ITGB6: variants seen among roughly 807,000 people sequenced by gnomAD.
The protein encoded by ITGB6 is integrin subunit beta 6, also known as integrin beta-6.
In ITGB6, 80 loss-of-function variants were observed where a neutral mutation model predicts 84.5. The ratio of observed to expected loss-of-function variants is 0.95; its 90% CI spans 0.79 to 1.14. The LOEUF (loss-of-function observed/expected upper bound fraction) is 1.14. ITGB6 is among the 50% of genes most tolerant of loss of function. The probability of loss-of-function intolerance (pLI) is 0.00; values close to 1 mark genes in which losing one functional copy is unlikely to be tolerated. For missense variants in ITGB6, 1,006 were observed against 968.0 expected, an observed-to-expected ratio of 1.04 and a Z score of -0.52; for synonymous variants, 383 against 354.9, an observed-to-expected ratio of 1.08 and a Z score of -0.89.
intron 4 of ITGB6, among the ~76,000 whole-genome samples, chr2:160,190,412 C>A (rs1046334618): frequency 3.3e-5 from 5 of 151,998 alleles, no homozygotes; most frequent in African/African-American, 1.2e-4. Context: ...AGCGAAAACA[C>A]CGAAGGCTTG....
chr2:160,177,582 A>C (rs1201229223), intron 4 of ITGB6, among the ~76,000 whole-genome samples: 2 of 152,008 alleles, frequency 1.3e-5, no homozygotes, highest in African/African-American at 2.4e-5. Flanking sequence ...AAAAAAAAAA[A>C]AGAACCATCC....
intron 14 of ITGB6, 126 bp downstream of exon 14, chr2:160,107,553 T>C (rs2105773541): frequency 2.4e-6 from 2 of 824,334 alleles, no homozygotes; most frequent in South Asian, 1.7e-5. Context: ...GTTGGAGTCA[T>C]GGCGAGAGTG....
chr2:160,159,220 T>C (rs897403188), intron 7 of ITGB6, among the ~76,000 whole-genome samples: 3 of 150,080 alleles, frequency 2.0e-5, no homozygotes, highest in Non-Finnish European at 4.4e-5. Flanking sequence ...AAAAAGAAAA[T>C]AAAAAGAAAA....
At chr2:160,158,147 G>A (rs957851708) in intron 7 of ITGB6, among the ~76,000 whole-genome samples, 10 of 152,320 alleles carry the variant, frequency 6.6e-5, no homozygotes, top group African/African-American at 2.2e-4. Context: ...GCTTTCGATT[G>A]TCAGCATTCC....
chr2:160,109,625 T>C (rs796251584), intron 13 of ITGB6, among the ~76,000 whole-genome samples: 98 of 152,346 alleles, frequency 6.4e-4, no homozygotes, highest in African/African-American at 2.1e-3. Context: ...TCTTACACAA[T>C]AGAGATCATC....
chr2:160,113,099 G>A (rs1360304091), intron 12 of ITGB6, among the ~76,000 whole-genome samples: 1 of 152,186 alleles, frequency 6.6e-6, no homozygotes, highest in African/African-American at 2.4e-5. Flanking sequence ...CCTGTAAGTA[G>A]AAGACGTTTT....
intron 4 of ITGB6, among the ~76,000 whole-genome samples, chr2:160,193,387 T>C (rs1412153450): frequency 6.6e-6 from 1 of 152,188 alleles, no homozygotes; most frequent in Non-Finnish European, 1.5e-5. Context: ...ATAGGGCATA[T>C]ACTACATTAT....
At chr2:160,105,831 T>G (rs1487605543) in intron 14 of ITGB6, among the ~76,000 whole-genome samples, 1 of 152,206 alleles carries the variant, frequency 6.6e-6, no homozygotes, top group Non-Finnish European at 1.5e-5. Flanking sequence ...ATTAGTACTG[T>G]GTTCTAAGTC....
At chr2:160,173,862 T>C (rs759013321) in intron 5 of ITGB6, 112 bp downstream of exon 5, 35 of 933,588 alleles carry the variant, frequency 3.7e-5, no homozygotes, top group South Asian at 5.2e-5. Flanking sequence ...ATATGAAATA[T>C]AGAAATTTAG....
In ITGB6 at chr2:160,117,581, A is replaced by G. The variant is rs537024713; in HGVS notation, c.1982-5382T>C. 4.6e-5 allele frequency among the ~76,000 whole-genome samples: 7 copies of G among 152,286 alleles called. No individual in the cohort carries two copies. The East Asian group carries it at 1.2e-3, about 25-fold the overall frequency. On this transcript the variant is annotated intron_variant, in intron 12 of 14. Coordinates refer to ENST00000283249, the MANE Select transcript of ITGB6 (RefSeq NM_000888.5). ...AAAGCAGGAAAGATCCAAAACTGAC[A>G]CCCTAACATCACAATTAAAAGAACT...
chr2:160,132,713 C>T (rs958139614), intron 10 of ITGB6, among the ~76,000 whole-genome samples: 4 of 152,036 alleles, frequency 2.6e-5, no homozygotes, highest in African/African-American at 9.7e-5. Flanking sequence ...GAATAGATTA[C>T]ACTTATATAT....
chr2:160,123,876 C>G lies in ITGB6; in HGVS notation c.1896G>C (p.Glu632Asp). 1 of 1,613,382 alleles carries G rather than the reference C, an allele frequency of 6.2e-7. No homozygotes were observed. The highest frequency in any genetic ancestry group is 1.1e-5 in the South Asian group (1 of 91,048). Residue 632 changes from glutamate to aspartate, a missense_variant, in exon 12 of 15, where the codon GAG becomes GAC. Physicochemically the swap from Glu to Asp is conservative, Grantham distance 45. Transcript: ENST00000283249. The stretch of plus-strand genomic sequence containing the variant: ...CTTGGCCAGCTGCTGACAGGTGGCA[C>G]TCAATGCAGCTCCTGTGGACAGTAT... ...DPCNSKRSCI[E>D]CHLSAAGQAR...
rs1684629628 is a variant in ITGB6, at chr2:160,156,537, G to T, written c.1017+12675C>A. Among the ~76,000 whole-genome samples, 3 of 152,112 alleles carry T rather than the reference G, an allele frequency of 2.0e-5. No homozygotes were observed. The South Asian group carries it at 6.2e-4, about 32-fold the overall frequency. On this transcript the variant is annotated intron_variant, in intron 7 of 14. Transcript: ENST00000283249. Reference sequence around the variant, plus strand: ...CTTTTTATCTACTCAGGGTTAGTGGGCTCAGGGAACCCTCAGTTCAGACAA... The same window carrying T: ...CTTTTTATCTACTCAGGGTTAGTGGTCTCAGGGAACCCTCAGTTCAGACAA...
chr2:160,106,749 ATAAAT>A (rs1208643878), intron 14 of ITGB6, among the ~76,000 whole-genome samples: 3 of 152,230 alleles, frequency 2.0e-5, no homozygotes, highest in African/African-American at 7.2e-5. Context: ...CCTTATCAAG[ATAAAT>A]TTATCAAAAA....
chr2:160,156,829 T>C (rs1684639837), intron 7 of ITGB6, among the ~76,000 whole-genome samples: 2 of 152,312 alleles, frequency 1.3e-5, no homozygotes, highest in South Asian at 4.1e-4. Flanking sequence ...CCAGATTTCT[T>C]AACCACATCA....
In ITGB6 at chr2:160,120,692, A is replaced by C. The variant is rs1452717894; in HGVS notation, c.1981+3099T>G. 3.2e-5 allele frequency among the ~76,000 whole-genome samples: 2 copies of C among 63,312 alleles called. 1 individual carries two copies. Among genetic ancestry groups the C allele is most frequent in the Non-Finnish European group, 6.6e-5 (2 of 30,346 alleles). The allele number at this position is 63,312 out of a possible 152,430, so 41.5% of individuals were successfully genotyped here. ...TTAAAAAAAAAAAAAAAAAAAAAAG[A>C]AAATGTGGCACACATACACCATGGA... On this transcript the variant is annotated intron_variant, in intron 12 of 14. Coordinates refer to ENST00000283249, the MANE Select transcript of ITGB6 (RefSeq NM_000888.5).
At chr2:160,112,488 C>T (rs898995597) in intron 12 of ITGB6, among the ~76,000 whole-genome samples, 2 of 152,078 alleles carry the variant, frequency 1.3e-5, no homozygotes, top group African/African-American at 4.8e-5. Flanking sequence ...GGCAGGTACC[C>T]ACAGCTGCCT....
At chr2:160,187,540 G>T (rs904738030) in intron 4 of ITGB6, among the ~76,000 whole-genome samples, 4 of 152,114 alleles carry the variant, frequency 2.6e-5, no homozygotes, top group African/African-American at 9.7e-5. Flanking sequence ...CATGAGGTTT[G>T]ACTTTCTTCA....
intron 7 of ITGB6, among the ~76,000 whole-genome samples, chr2:160,158,573 G>C (rs766416370): frequency 6.6e-6 from 1 of 152,206 alleles, no homozygotes; most frequent in Non-Finnish European, 1.5e-5. Flanking sequence ...CAAAGCTTTA[G>C]AAAGCTCTTT....
Sources: allele counts gnomAD v4.1 joint callset (sites outside exome capture counted in the v4.1 genomes callset), GRCh38; gene constraint gnomAD v4.1.1; transcripts MANE v1.5; gene names NCBI Gene and HGNC (gene_info 2026-07-23, HGNC 2026-07-21).